The following EPHB1 variants were observed in gnomAD, a reference collection of about 807,000 sequenced individuals.
The protein encoded by EPHB1 is EPH receptor B1.
A neutral mutation model predicts 94.4 loss-of-function variants in EPHB1; 30 were observed. That is an observed-to-expected ratio of 0.32 (90% confidence interval 0.24 to 0.43). EPHB1 has a LOEUF of 0.43. Ranked by LOEUF, EPHB1 falls within the 20% of genes least tolerant of loss-of-function variation. The probability of loss-of-function intolerance (pLI) is 1.00; values close to 1 mark genes in which losing one functional copy is unlikely to be tolerated. For missense variants in EPHB1, 1,055 were observed against 1,308.3 expected (o/e 0.81, Z 2.99); for synonymous variants, 522 against 489.1 (o/e 1.07, Z -0.89).
chr3:134,825,231 G>A (rs1045456273), intron 1 of EPHB1, among the ~76,000 whole-genome samples: 4 of 152,216 alleles, frequency 2.6e-5, no homozygotes, highest in African/African-American at 9.6e-5. Flanking sequence ...CTGCCCTAAA[G>A]GAGGCAGGCT....
At position 135,013,320 on chromosome 3, in the gene EPHB1, G is replaced by A. The variant is rs532734908; in HGVS notation, c.805+61268G>A. ...TCATTGTGTGGTCTACCCCTGCAGT[G>A]CCAACTCTGCAGTGCCCACATCTCT... On this transcript the variant is annotated intron_variant, in intron 3 of 15. Coordinates refer to ENST00000398015, the MANE Select transcript of EPHB1 (RefSeq NM_004441.5). 1.6e-4 allele frequency among the ~76,000 whole-genome samples: 24 copies of A among 152,348 alleles called. No homozygotes were observed. The South Asian group carries it at 5.0e-3, about 32-fold the overall frequency.
intron 15 of EPHB1, among the ~76,000 whole-genome samples, chr3:135,257,717 A>T (rs1576508484): frequency 7.5e-6 from 1 of 132,562 alleles, no homozygotes; most frequent in East Asian, 2.2e-4. Flanking sequence ...AGAGGCAGGC[A>T]GGCCTCCTTG....
Position 135,108,525 on chromosome 3 carries a change from G to A in EPHB1, c.961+1922G>A, listed in dbSNP as rs558650951. Among the ~76,000 whole-genome samples, 84 of 152,286 alleles carry A rather than the reference G, an allele frequency of 5.5e-4. 1 individual carries two copies. The highest frequency in any genetic ancestry group is 8.4e-4 in the Non-Finnish European group (57 of 68,032). On this transcript the variant is annotated intron_variant, in intron 4 of 15. Transcript: ENST00000398015. ...CCCTTGACCTCTGAGATGCCTCTGT[G>A]TGTCCAGCCTTGTCCTTGAATTTTG...
chr3:134,906,514 C>G (rs1293261964), intron 1 of EPHB1, among the ~76,000 whole-genome samples: 3 of 152,108 alleles, frequency 2.0e-5, no homozygotes, highest in African/African-American at 7.2e-5. Context: ...TTAAATATCA[C>G]TGATCAAATT....
intron 11 of EPHB1, among the ~76,000 whole-genome samples, chr3:135,195,194 G>C (rs779656917): frequency 2.6e-5 from 4 of 152,052 alleles, no homozygotes; most frequent in Non-Finnish European, 5.9e-5. Context: ...GTACTTCAGA[G>C]AGAGTCACTG....
chr3:134,857,958 T>C (rs985342414), intron 1 of EPHB1, among the ~76,000 whole-genome samples: 9 of 152,070 alleles, frequency 5.9e-5, no homozygotes, highest in African/African-American at 1.9e-4. Context: ...TTAGCATGAG[T>C]CAACCCCCCT....
rs1217412342 is a variant in EPHB1, at chr3:135,106,548, C to G, written c.906C>G (p.Thr302=). 2 of 1,613,950 alleles carry G rather than the reference C, an allele frequency of 1.2e-6. No homozygotes were observed. The highest frequency in any genetic ancestry group is 1.7e-6 in the Non-Finnish European group (2 of 1,179,904). ...CTGCAGAGGCGTCTCCCATCTGCAC[C>G]TGTCGGACCGGTTATTACCGAGCGG... ...RSPAEASPIC[T]CRTGYYRADF... The change falls in exon 4 of 16, where the codon ACC becomes ACG. Residue 302 remains threonine (T), a synonymous_variant. Transcript: ENST00000398015.
chr3:134,914,420 AG>A (rs2038521142), intron 1 of EPHB1, among the ~76,000 whole-genome samples: 1 of 152,250 alleles, frequency 6.6e-6, no homozygotes, highest in Non-Finnish European at 1.5e-5. Flanking sequence ...CATGAGCCTT[AG>A]ACGTCTGAGT....
chr3:135,115,292 G>T, intron 4 of EPHB1, among the ~76,000 whole-genome samples: 1 of 152,292 alleles, frequency 6.6e-6, no homozygotes, highest in South Asian at 2.1e-4. Flanking sequence ...ATAGGTTCTG[G>T]TCCAAGGCAG....
At chr3:134,917,803 C>A (rs1260023279) in intron 1 of EPHB1, among the ~76,000 whole-genome samples, 1 of 152,218 alleles carries the variant, frequency 6.6e-6, no homozygotes, top group Non-Finnish European at 1.5e-5. Context: ...GAGACTTACA[C>A]AATAAGAGCT....
At chr3:134,914,422 AC>A (rs2038521270) in intron 1 of EPHB1, among the ~76,000 whole-genome samples, 1 of 152,212 alleles carries the variant, frequency 6.6e-6, no homozygotes, top group Non-Finnish European at 1.5e-5. Flanking sequence ...TGAGCCTTAG[AC>A]GTCTGAGTAA....
At chr3:134,923,930 C>T (rs1190737743) in intron 1 of EPHB1, among the ~76,000 whole-genome samples, 1 of 152,148 alleles carries the variant, frequency 6.6e-6, no homozygotes, top group African/African-American at 2.4e-5. Flanking sequence ...TTGTACCCTT[C>T]CCTGTTTGTT....
At chr3:134,973,124 G>C (rs563932165) in intron 3 of EPHB1, among the ~76,000 whole-genome samples, 1 of 152,316 alleles carries the variant, frequency 6.6e-6, no homozygotes, top group South Asian at 2.1e-4. Context: ...TTGGGTGTGG[G>C]GAATGTGTCC....
chr3:135,111,046 G>A (rs116740668), intron 4 of EPHB1, among the ~76,000 whole-genome samples: 11 of 152,256 alleles, frequency 7.2e-5, no homozygotes, highest in Admixed American at 3.3e-4. Flanking sequence ...ACAGAATGAC[G>A]TCCTCTGCAG....
At chr3:134,997,151 G>A (rs1422898056) in intron 3 of EPHB1, among the ~76,000 whole-genome samples, 1 of 152,166 alleles carries the variant, frequency 6.6e-6, no homozygotes, top group Admixed American at 6.5e-5. Context: ...GCTAACTTGT[G>A]TCTCAGCCTC....
At chr3:135,093,056 T>G (rs1938615703) in intron 3 of EPHB1, among the ~76,000 whole-genome samples, 1 of 152,232 alleles carries the variant, frequency 6.6e-6, no homozygotes, top group Admixed American at 6.5e-5. Flanking sequence ...GTCAATGGAC[T>G]TCTTCTTACC....
intron 1 of EPHB1, among the ~76,000 whole-genome samples, chr3:134,894,070 T>A (rs890979084): frequency 3.9e-5 from 6 of 152,220 alleles, no homozygotes; most frequent in Non-Finnish European, 8.8e-5. Context: ...CCTCCCCACT[T>A]ACCAAGCTGA....
At chr3:134,818,799 C>T (rs1382318924) in intron 1 of EPHB1, among the ~76,000 whole-genome samples, 2 of 152,152 alleles carry the variant, frequency 1.3e-5, no homozygotes, top group African/African-American at 4.8e-5. Flanking sequence ...TGGGTTGGTT[C>T]CACGATTTTG....
intron 3 of EPHB1, among the ~76,000 whole-genome samples, chr3:135,047,346 A>G (rs1472377910): frequency 6.6e-6 from 1 of 152,196 alleles, no homozygotes; most frequent in African/African-American, 2.4e-5. Context: ...AGGAGAATGA[A>G]TCAGTACCTT....
Sources: allele counts gnomAD v4.1 joint callset (sites outside exome capture counted in the v4.1 genomes callset), GRCh38; gene constraint gnomAD v4.1.1; transcripts MANE v1.5; gene names NCBI Gene and HGNC (gene_info 2026-07-23, HGNC 2026-07-21).